NFASC: variants seen among roughly 807,000 people sequenced by gnomAD.
NFASC encodes neurofascin.
In NFASC, 43 loss-of-function variants were observed where a neutral mutation model predicts 147.5. That is an observed-to-expected ratio of 0.29 (90% confidence interval 0.23 to 0.38). The LOEUF is 0.38. NFASC is among the 10% of genes least tolerant of loss of function. The pLI is 1.00. For synonymous variants in NFASC, 622 were observed against 665.5 expected, an observed-to-expected ratio of 0.93 and a Z score of 1.01; for missense variants, 1,320 against 1,689.0, an observed-to-expected ratio of 0.78 and a Z score of 3.83.
chr1:204,895,806 A>C (rs1220698621), intron 1 of NFASC, among the ~76,000 whole-genome samples: 3 of 152,196 alleles, frequency 2.0e-5, no homozygotes, highest in African/African-American at 7.2e-5. Context: ...TAAATACTTA[A>C]GACCCTACAT....
At chr1:204,911,712 T>A (rs1369392999) in intron 1 of NFASC, among the ~76,000 whole-genome samples, 1 of 152,238 alleles carries the variant, frequency 6.6e-6, no homozygotes, top group Non-Finnish European at 1.5e-5. Flanking sequence ...TTGGTGTTAA[T>A]TCTTTAATAA....
intron 1 of NFASC, among the ~76,000 whole-genome samples, chr1:204,837,102 G>A (rs187516511): frequency 6.6e-6 from 1 of 152,338 alleles, no homozygotes; most frequent in East Asian, 1.9e-4. Flanking sequence ...GCTAGTTCTG[G>A]CAAAACCCAC....
chr1:204,938,001 G>A (rs1458739178), intron 2 of NFASC, among the ~76,000 whole-genome samples: 1 of 152,346 alleles, frequency 6.6e-6, no homozygotes, highest in East Asian at 1.9e-4. Context: ...ACGAAGAGCT[G>A]CCAGCTGAGC....
At chr1:204,930,922 T>A (rs544867935) in intron 2 of NFASC, among the ~76,000 whole-genome samples, 3 of 151,928 alleles carry the variant, frequency 2.0e-5, no homozygotes, top group Admixed American at 2.0e-4. Flanking sequence ...AGGAGCTGGG[T>A]CATACCAGGG....
chr1:204,919,442 A>G (rs2090022057), intron 1 of NFASC, among the ~76,000 whole-genome samples: 1 of 152,196 alleles, frequency 6.6e-6, no homozygotes, highest in South Asian at 2.1e-4. Flanking sequence ...AAATGGTAGC[A>G]TATTAAACAT....
At chr1:204,932,686 G>T (rs1328136456) in intron 2 of NFASC, among the ~76,000 whole-genome samples, 3 of 152,222 alleles carry the variant, frequency 2.0e-5, no homozygotes, top group African/African-American at 7.2e-5. Context: ...CTTTCACACT[G>T]CGAAGGTAAA....
At chr1:204,874,525 G>C (rs2078362317) in intron 1 of NFASC, among the ~76,000 whole-genome samples, 2 of 152,150 alleles carry the variant, frequency 1.3e-5, no homozygotes. Flanking sequence ...GGCTCTCCAG[G>C]GCCCTGCCCC....
intron 12 of NFASC, 109 bp downstream of exon 12, chr1:204,973,528 G>A: frequency 7.3e-7 from 1 of 1,362,762 alleles, no homozygotes; most frequent in Non-Finnish European, 1.0e-6. Flanking sequence ...GATTGGCCAA[G>A]CTGGGTGAGG....
At position 204,948,220 on chromosome 1, in the gene NFASC, A is replaced by G. The variant is rs148706923; in HGVS notation, c.92-2337A>G. The stretch of plus-strand genomic sequence containing the variant: ...TATGGAATTCACTTTCCACTGCTCC[A>G]TAGAAGGCGAGTGGTGTGACACTGG... On this transcript the variant is annotated intron_variant, in intron 3 of 29. Transcript: ENST00000339876. 5.2e-3 allele frequency among the ~76,000 whole-genome samples: 796 copies of G among 152,368 alleles called. 7 individuals carry two copies. The highest frequency in any genetic ancestry group is 0.018 in the African/African-American group (738 of 41,586).
At position 204,920,569 on chromosome 1, in the gene NFASC, C is replaced by CT. The variant is rs995148944; in HGVS notation, c.-199-53dup. Reference sequence around the variant, plus strand: ...ATGAGCAAGCTGCAAACCACAAAGGCTTTTTTTTTTCTTCCTTTCTTAGAG... The same window carrying CT: ...ATGAGCAAGCTGCAAACCACAAAGGCTTTTTTTTTTTCTTCCTTTCTTAGAG... On this transcript the variant is annotated intron_variant, in intron 1 of 29. Coordinates refer to ENST00000339876, the MANE Select transcript of NFASC (RefSeq NM_001005388.3). The CT allele has an allele frequency of 8.5e-3, 6,520 of 770,252 alleles. 1 individual carries two copies. Among genetic ancestry groups the CT allele is most frequent in the Non-Finnish European group, 9.7e-3 (5,313 of 548,122 alleles). The allele number at this position is 770,252 out of a possible 1,614,324, so 47.7% of individuals were successfully genotyped here. A position where few individuals can be genotyped will look rare whatever the true frequency, so the allele number is the denominator to read the frequency against.
chr1:204,833,643 T>A (rs1192649558), intron 1 of NFASC, among the ~76,000 whole-genome samples: 1 of 152,180 alleles, frequency 6.6e-6, no homozygotes, highest in Non-Finnish European at 1.5e-5. Flanking sequence ...CTGAGACAGG[T>A]AAAACACCTT....
At position 204,954,414 on chromosome 1, in the gene NFASC, C is replaced by G. The variant is rs775870835; in HGVS notation, c.412+30C>G. 1 of 1,602,444 alleles carries G rather than the reference C, an allele frequency of 6.2e-7. No homozygotes were observed. Among genetic ancestry groups the G allele is most frequent in the Admixed American group, 1.7e-5 (1 of 59,156 alleles). ...GTAGCGTGGGGCAGGGCTGAAATGC[C>G]CTGCTCCTGGGTAAATGGAGAGTGG... On this transcript the variant is annotated intron_variant, in intron 6 of 29. Transcript: ENST00000339876. The surrounding 1 kb of genome is among the most constrained non-coding windows in gnomAD (Gnocchi z 5.7).
chr1:204,954,283 G>T lies in NFASC; in HGVS notation c.311G>T (p.Arg104Leu). 1 of 1,614,202 alleles carries T rather than the reference G, an allele frequency of 6.2e-7. No homozygotes were observed. Among genetic ancestry groups the T allele is most frequent in the South Asian group, 1.1e-5 (1 of 91,082 alleles). Reference protein sequence around the residue: ...RRSGTLVIDFRSGGRPEEYEG... With the variant: ...RRSGTLVIDFLSGGRPEEYEG... ...TCTGGGACCCTGGTGATTGACTTCC[G>T]CAGTGGCGGGCGGCCGGAGGAATAT... Residue 104 changes from arginine to leucine, a missense_variant, in exon 6 of 30, where the codon CGC becomes CTC. Arg to Leu is a moderately radical substitution (Grantham distance 102). Coordinates refer to ENST00000339876, the MANE Select transcript of NFASC (RefSeq NM_001005388.3). The surrounding 1 kb of genome is among the most constrained non-coding windows in gnomAD (Gnocchi z 5.7).
chr1:204,830,810 G>GT (rs2102326366), intron 1 of NFASC, among the ~76,000 whole-genome samples: 1 of 152,324 alleles, frequency 6.6e-6, no homozygotes, highest in Admixed American at 6.5e-5. Flanking sequence ...AAATTGAGGC[G>GT]TTAAGAGCGA....
chr1:204,918,583 ACTT>A (rs1025871331), intron 1 of NFASC, among the ~76,000 whole-genome samples: 1 of 129,274 alleles, frequency 7.7e-6, no homozygotes, highest in Admixed American at 7.9e-5. Flanking sequence ...ATTCTTTGAA[ACTT>A]TTTTTTTTTT....
At chr1:204,989,248 A>G (rs1476716764) in intron 23 of NFASC, 4 of 189,496 alleles carry the variant, frequency 2.1e-5, no homozygotes, top group Non-Finnish European at 4.4e-5. Flanking sequence ...GGGTTCAAGG[A>G]GGTAGGGGAA....
At chr1:204,842,921 AAGCT>A (rs1342416442) in intron 1 of NFASC, among the ~76,000 whole-genome samples, 1 of 152,120 alleles carries the variant, frequency 6.6e-6, no homozygotes, top group Non-Finnish European at 1.5e-5. Context: ...GTGTGGAGGG[AAGCT>A]GAGGCTTAAA....
chr1:204,942,066 G>A (rs2093397122), intron 2 of NFASC, among the ~76,000 whole-genome samples: 1 of 152,100 alleles, frequency 6.6e-6, no homozygotes, highest in African/African-American at 2.4e-5. Context: ...CTATGTTTTA[G>A]GTACTATGGT....
chr1:204,995,315 AGTGTGTGTGTGTGTGTGTGT>A (rs60921990), intron 24 of NFASC, among the ~76,000 whole-genome samples: 10 of 140,786 alleles, frequency 7.1e-5, no homozygotes, highest in Non-Finnish European at 1.2e-4. Context: ...ATGTGTGCAC[AGTGTGTGTGTGTGTGTGTGT>A]GTGTGTGTGT....
Sources: allele counts gnomAD v4.1 joint callset (sites outside exome capture counted in the v4.1 genomes callset), GRCh38; gene constraint gnomAD v4.1.1; non-coding constraint Gnocchi (gnomAD v3.1); transcripts MANE v1.5; gene names NCBI Gene and HGNC (gene_info 2026-07-23, HGNC 2026-07-21).